The following INPP5J variants were observed in gnomAD, a reference collection of about 807,000 sequenced individuals.
The protein encoded by INPP5J is inositol polyphosphate-5-phosphatase J, also known as phosphatidylinositol 4,5-bisphosphate 5-phosphatase A.
INPP5J carries 75 observed loss-of-function variants against 86.6 expected under a neutral mutation model. That is an observed-to-expected ratio of 0.87 (90% CI 0.72 to 1.05). The LOEUF is 1.05. Ranked by LOEUF, INPP5J falls within the 50% of genes least tolerant of loss-of-function variation. The pLI is 0.00. For missense variants in INPP5J, 1,229 were observed against 1,341.2 expected (o/e 0.92, Z 1.31); for synonymous variants, 540 against 550.0 (o/e 0.98, Z 0.25).
At chr22:31,128,740 C>A in intron 9 of INPP5J, 86 bp downstream of exon 9, 2 of 1,134,572 alleles carry the variant, frequency 1.8e-6, no homozygotes, top group Non-Finnish European at 2.5e-6. Context: ...CTTTGTATAA[C>A]CCCTTGTACC....
chr22:31,127,058 A>G, intron 5 of INPP5J, 21 bp downstream of exon 5: 5 of 1,505,166 alleles, frequency 3.3e-6, no homozygotes, highest in Non-Finnish European at 4.6e-6. Flanking sequence ...GAGCAGGCCC[A>G]GAAGAGGATG....
intron 1 of INPP5J, chr22:31,124,388 A>C (rs1921146470): frequency 9.8e-6 from 8 of 816,472 alleles, no homozygotes; most frequent in Non-Finnish European, 1.2e-5. Context: ...GTAGGTCTGT[A>C]TCTTGACAAT....
rs368501472 is a variant in INPP5J at position 31,126,059 on chromosome 22, T to G, written c.1271+49T>G. The G allele has an allele frequency of 4.7e-5, 69 of 1,464,810 alleles. 1 individual carries two copies. The African/African-American group carries it at 8.9e-4, about 19-fold the overall frequency. The allele number at this position is 1,464,810 out of a possible 1,614,324, so 90.7% of individuals were successfully genotyped here. A position where few individuals can be genotyped will look rare whatever the true frequency, so the allele number is the denominator to read the frequency against. On this transcript the variant is annotated intron_variant, in intron 2 of 12. Coordinates refer to ENST00000331075, the MANE Select transcript of INPP5J (RefSeq NM_001284285.2). ...AGGTGGCTGGGGCTTAGCTCTGAGG[T>G]TAGCCATTCTTCCAGGGTGGATGGT...
In INPP5J at chr22:31,125,309, T is replaced by A. The variant is rs757994180; in HGVS notation, c.570T>A (p.Ala190=). The change falls in exon 2 of 13, where the codon GCT becomes GCA. Residue 190 remains alanine (A), a synonymous_variant. Coordinates refer to ENST00000331075, the MANE Select transcript of INPP5J (RefSeq NM_001284285.2). ...CCTCTGGCCTGAGCCTGGCCCTGGCTTCTGAGGAGCAGCCCCCAGAACTCC... is the reference window on the plus strand; with the variant it reads ...CCTCTGGCCTGAGCCTGGCCCTGGCATCTGAGGAGCAGCCCCCAGAACTCC... ...LAASGLSLAL[A]SEEQPPELPS... is the part of the protein sequence containing the mutation. 1 of 1,550,508 alleles carries A rather than the reference T, an allele frequency of 6.4e-7. No homozygotes were observed. The highest frequency in any genetic ancestry group is 1.2e-5 in the South Asian group (1 of 84,052).
In INPP5J at chr22:31,127,940, A is replaced by G; in HGVS notation, c.1788-11A>G. ...GCCCCCCACATCTCTCCCATCCCCC[A>G]CCCCAAACAGCCTCGTGTTCTGGTT... On this transcript the variant is annotated splice_polypyrimidine_tract_variant and intron_variant, in intron 6 of 12. Transcript: ENST00000331075. 1.1e-6 allele frequency: 1 copy of G among 888,690 alleles called. No individual in the cohort carries two copies. Among genetic ancestry groups the G allele is most frequent in the Non-Finnish European group, 1.5e-6 (1 of 689,546 alleles). The allele number at this position is 888,690 out of a possible 1,614,324, so 55.1% of individuals were successfully genotyped here. A position where few individuals can be genotyped will look rare whatever the true frequency, so the allele number is the denominator to read the frequency against.
At chr22:31,127,219 C>A in intron 5 of INPP5J, 138 bp from the exon 6 acceptor site, 2 of 862,896 alleles carry the variant, frequency 2.3e-6, no homozygotes, top group Non-Finnish European at 3.6e-6. Flanking sequence ...TTTCTCTCCC[C>A]ACTGTGTCCC....
Position 31,125,120 on chromosome 22 carries a change from G to A in INPP5J, c.381G>A (p.Ala127=), listed in dbSNP as rs560677329. ...SASAGPKPPP[A]TTGSVLAPTS... is the part of the protein sequence containing the mutation. ...CAGCTGGACCAAAGCCTCCCCCAGC[G>A]ACCACAGGCTCAGTTCTGGCTCCGA... The change falls in exon 2 of 13, where the codon GCG becomes GCA. Residue 127 remains alanine, a synonymous_variant. Transcript: ENST00000331075. 67 of 1,549,902 alleles carry A rather than the reference G, an allele frequency of 4.3e-5. 1 individual carries two copies. The South Asian group carries it at 4.8e-4, about 11-fold the overall frequency.
At chr22:31,128,703 G>C in intron 9 of INPP5J, 49 bp downstream of exon 9, 2 of 1,469,300 alleles carry the variant, frequency 1.4e-6, no homozygotes, top group Non-Finnish European at 1.8e-6. Flanking sequence ...GGCCCAACTC[G>C]GCATACCACT....
chr22:31,127,622 C>T, intron 6 of INPP5J, 90 bp downstream of exon 6: 1 of 1,337,368 alleles, frequency 7.5e-7, no homozygotes, highest in Non-Finnish European at 1.0e-6. Flanking sequence ...TGGAGAGAGG[C>T]AGGGCCTATG....
intron 9 of INPP5J, among the ~76,000 whole-genome samples, chr22:31,131,814 T>G (rs1922089546): frequency 6.6e-6 from 1 of 152,154 alleles, no homozygotes; most frequent in South Asian, 2.1e-4. Flanking sequence ...GGTCTACCCT[T>G]GCCCGCCCCT....
intron 12 of INPP5J, 29 bp from the exon 13 acceptor site, chr22:31,133,884 G>A (rs371768954): frequency 4.9e-5 from 79 of 1,602,188 alleles, no homozygotes; most frequent in Non-Finnish European, 6.5e-5. Flanking sequence ...TGGGGAGCAG[G>A]GCGCCCCAGT....
chr22:31,130,658 G>A (rs1468411), intron 9 of INPP5J, among the ~76,000 whole-genome samples: 117,381 of 152,124 alleles, frequency 0.77, 45,969 homozygotes, highest in South Asian at 0.94. Context: ...TCATTCATTC[G>A]TTATTTACTG....
In INPP5J at chr22:31,129,232, C is replaced by CTTTTTTTT. The variant is rs576089657; in HGVS notation, c.2193+592_2193+599dup. ...GGCGTGAGCTACCGTGTCTGGCCAA[C>CTTTTTTTT]TTTTTTTTTTTTTTTTTTTTTCTTT... On this transcript the variant is annotated intron_variant, in intron 9 of 12. Coordinates refer to ENST00000331075, the MANE Select transcript of INPP5J (RefSeq NM_001284285.2). Among the ~76,000 whole-genome samples the CTTTTTTTT allele has an allele frequency of 1.5e-3, 118 of 79,120 alleles. 6 individuals carry two copies. The highest frequency in any genetic ancestry group is 2.5e-3 in the East Asian group (5 of 2,020). The allele number at this position is 79,120 out of a possible 152,430, so 51.9% of individuals were successfully genotyped here.
chr22:31,127,401 C>T lies in INPP5J; in HGVS notation c.1656C>T (p.His552=). The T allele has an allele frequency of 1.2e-6, 2 of 1,613,666 alleles. No individual in the cohort carries two copies. The highest frequency in any genetic ancestry group is 1.7e-4 in the Middle Eastern group (1 of 6,048). The change falls in exon 6 of 13, where the codon CAC becomes CAT. Residue 552 remains histidine, a synonymous_variant. Transcript: ENST00000331075. ...GCGTGCGCCTGGCGGCCTTCGGGCA[C>T]ATGCTCTGCTTCCTGAACTGCCACT... ...GVSVRLAAFG[H]MLCFLNCHLP...
In INPP5J at chr22:31,133,193, A is replaced by C. The variant is rs999446458; in HGVS notation, c.2289A>C (p.Thr763=). 6.2e-7 allele frequency: 1 copy of C among 1,600,742 alleles called. No homozygotes were observed. The highest frequency in any genetic ancestry group is 8.5e-7 in the Non-Finnish European group (1 of 1,174,642). The change falls in exon 10 of 13, where the codon ACA becomes ACC. Residue 763 remains threonine, a synonymous_variant. Transcript: ENST00000331075. Reference sequence around the variant, plus strand: ...CGGTGGTGAGGTACCGCATGGAAACAGTGTTCGCCCGCAGCTCCTGGGACT... The same window carrying C: ...CGGTGGTGAGGTACCGCATGGAAACCGTGTTCGCCCGCAGCTCCTGGGACT... ...EQAVVRYRME[T]VFARSSWDWI...
intron 9 of INPP5J, among the ~76,000 whole-genome samples, chr22:31,130,894 G>A (rs866244503): frequency 3.3e-5 from 5 of 152,056 alleles, no homozygotes; most frequent in South Asian, 4.1e-4. Context: ...TTTCTGTGGC[G>A]GGATCTGAGG....
In INPP5J at chr22:31,134,320, T is replaced by TGGC; in HGVS notation, c.2923_2925dup (p.Gly975dup). Reference sequence around the variant, plus strand: ...TAGAGACTGTAGACCCTGGTGGTGGTGGCTCCTGGGGACCTGATCGGGAGG... The same window carrying TGGC: ...TAGAGACTGTAGACCCTGGTGGTGGTGGCGGCTCCTGGGGACCTGATCGGGAGG... On this transcript the variant is annotated inframe_insertion, in exon 13 of 13. Coordinates refer to ENST00000331075, the MANE Select transcript of INPP5J (RefSeq NM_001284285.2). 6.4e-7 allele frequency: 1 copy of TGGC among 1,553,080 alleles called. No individual in the cohort carries two copies. The highest frequency in any genetic ancestry group is 8.7e-7 in the Non-Finnish European group (1 of 1,149,618).
In INPP5J at chr22:31,124,876, A is replaced by G; in HGVS notation, c.137A>G (p.Lys46Arg). 1 of 1,612,572 alleles carries G rather than the reference A, an allele frequency of 6.2e-7. No individual in the cohort carries two copies. The highest frequency in any genetic ancestry group is 1.1e-5 in the South Asian group (1 of 91,068). Residue 46 changes from lysine to arginine, a missense_variant, in exon 2 of 13, where the codon AAG (lysine) becomes AGG (arginine). Physicochemically the swap from Lys to Arg is conservative, Grantham distance 26 (BLOSUM62 2). Transcript: ENST00000331075. The part of the protein sequence containing the change: ...VDSSFQLPAK[K>R]NAALGPSEPR... ...TCAAGTTTTCAGCTCCCAGCAAAGA[A>G]GAACGCAGCCCTAGGACCCTCGGAA...
chr22:31,126,289 T>G, intron 2 of INPP5J, 87 bp from the exon 3 acceptor site: 2 of 1,160,182 alleles, frequency 1.7e-6, no homozygotes, highest in Non-Finnish European at 2.5e-6. Flanking sequence ...CCTGCCTCCA[T>G]TTAGTTCCCC....
Sources: gnomAD v4.1 joint callset for allele counts (sites outside exome capture counted in the v4.1 genomes callset) on GRCh38, gnomAD v4.1.1 for gene constraint, MANE v1.5 for transcripts, NCBI Gene and HGNC (gene_info 2026-07-23, HGNC 2026-07-21) for gene names.